STK32B: variants seen among roughly 807,000 people sequenced by gnomAD.
The protein encoded by STK32B is serine/threonine-protein kinase 32B.
STK32B carries 43 observed loss-of-function variants against 52.6 expected under a neutral mutation model. The ratio of observed to expected loss-of-function variants is 0.82; its 90% CI spans 0.64 to 1.05. The LOEUF (loss-of-function observed/expected upper bound fraction) is 1.05. STK32B is among the 50% of genes least tolerant of loss of function. The probability of loss-of-function intolerance (pLI) is 0.00; values close to 1 mark genes in which losing one functional copy is unlikely to be tolerated. For missense variants in STK32B, 621 were observed against 534.6 expected, an observed-to-expected ratio of 1.16 and a Z score of -1.59; for synonymous variants, 238 against 204.3, an observed-to-expected ratio of 1.17 and a Z score of -1.41.
At chr4:5,336,662 T>A (rs987183621) in intron 4 of STK32B, among the ~76,000 whole-genome samples, 1 of 152,184 alleles carries the variant, frequency 6.6e-6, no homozygotes, top group African/African-American at 2.4e-5. Context: ...AAAGTCTTTA[T>A]ACTTTTCTGT....
At chr4:5,279,402 C>G (rs1728047992) in intron 3 of STK32B, among the ~76,000 whole-genome samples, 1 of 152,114 alleles carries the variant, frequency 6.6e-6, no homozygotes, top group Non-Finnish European at 1.5e-5. Flanking sequence ...GATTCACATC[C>G]AGGCCACACT....
chr4:5,389,509 T>C (rs1030959965), intron 4 of STK32B, among the ~76,000 whole-genome samples: 1 of 152,142 alleles, frequency 6.6e-6, no homozygotes, highest in Non-Finnish European at 1.5e-5. Flanking sequence ...TGTCTCCCCA[T>C]GCATCCTACT....
intron 1 of STK32B, among the ~76,000 whole-genome samples, chr4:5,136,568 CGT>C (rs1577094169): frequency 6.6e-6 from 1 of 152,138 alleles, no homozygotes; most frequent in East Asian, 1.9e-4. Flanking sequence ...CAGAACTTCC[CGT>C]ACTAAAACCA....
intron 3 of STK32B, among the ~76,000 whole-genome samples, chr4:5,287,247 T>C (rs1385485552): frequency 6.6e-6 from 1 of 152,224 alleles, no homozygotes; most frequent in African/African-American, 2.4e-5. Context: ...GGCAACAGAA[T>C]TGATCTTCAT....
intron 3 of STK32B, among the ~76,000 whole-genome samples, chr4:5,274,818 G>A (rs965150127): frequency 6.6e-6 from 1 of 152,032 alleles, no homozygotes; most frequent in South Asian, 2.1e-4. Flanking sequence ...TGTTTGCCGC[G>A]GTTGCAGACC....
chr4:5,492,561 C>CT (rs1427811387), intron 11 of STK32B, among the ~76,000 whole-genome samples: 3 of 151,072 alleles, frequency 2.0e-5, no homozygotes, highest in Admixed American at 1.3e-4. Flanking sequence ...ATTGAATACC[C>CT]TTTATTTCCT....
At chr4:5,442,456 G>T (rs1186558984) in intron 6 of STK32B, among the ~76,000 whole-genome samples, 4 of 151,248 alleles carry the variant, frequency 2.6e-5, no homozygotes, top group African/African-American at 9.7e-5. Context: ...CCACTGGCTT[G>T]GTAGATCTTC....
intron 4 of STK32B, among the ~76,000 whole-genome samples, chr4:5,351,271 G>T (rs954527253): frequency 6.6e-6 from 1 of 151,896 alleles, no homozygotes; most frequent in African/African-American, 2.4e-5. Flanking sequence ...GTTTTCTCAG[G>T]CATCAATGGA....
At chr4:5,464,528 C>A (rs904074125) in intron 9 of STK32B, among the ~76,000 whole-genome samples, 2 of 152,192 alleles carry the variant, frequency 1.3e-5, no homozygotes, top group African/African-American at 2.4e-5. Context: ...CTGAGCCAGA[C>A]CCCAGAACAA....
At chr4:5,266,057 T>C (rs1727036773) in intron 3 of STK32B, among the ~76,000 whole-genome samples, 1 of 152,202 alleles carries the variant, frequency 6.6e-6, no homozygotes. Flanking sequence ...ATGAAAGGGA[T>C]AGTATACATT....
chr4:5,321,202 T>C (rs1577345334), intron 3 of STK32B, among the ~76,000 whole-genome samples: 1 of 152,004 alleles, frequency 6.6e-6, no homozygotes, highest in South Asian at 2.1e-4. Flanking sequence ...CACCAAAGTG[T>C]TGGAAGATTA....
chr4:5,032,596 T>C, the STK32B span, among the ~76,000 whole-genome samples: 2 of 151,978 alleles, frequency 1.3e-5, no homozygotes, highest in Non-Finnish European at 2.9e-5. Flanking sequence ...TCTAGAGCTA[T>C]ATTATTTTCC....
intron 6 of STK32B, among the ~76,000 whole-genome samples, chr4:5,438,373 G>C (rs1180059395): frequency 6.6e-6 from 1 of 152,222 alleles, no homozygotes; most frequent in African/African-American, 2.4e-5. Context: ...TAATGAACAA[G>C]TGTGATCACT....
chr4:5,285,528 G>A (rs1728492264), intron 3 of STK32B, among the ~76,000 whole-genome samples: 1 of 152,106 alleles, frequency 6.6e-6, no homozygotes, highest in African/African-American at 2.4e-5. Context: ...AGTACAAATT[G>A]ACTGCACAGC....
In STK32B at chr4:5,160,717, G is replaced by GT. The variant is rs369862793; in HGVS notation, c.109-7581dup. On this transcript the variant is annotated intron_variant, in intron 2 of 11. Coordinates refer to ENST00000282908, the MANE Select transcript of STK32B (RefSeq NM_018401.3). ...AGACACTGAGGATGATGCAGTGAAC[G>GT]TAAGAGAAAAATCCCTGTTGTCATG... Among the ~76,000 whole-genome samples the GT allele has an allele frequency of 2.7e-3, 407 of 152,336 alleles. 1 individual carries two copies. The highest frequency in any genetic ancestry group is 9.2e-3 in the African/African-American group (384 of 41,576).
chr4:5,219,657 C>A lies in STK32B; in HGVS notation c.260+51207C>A, dbSNP rs187522894. Among the ~76,000 whole-genome samples, 16 of 152,340 alleles carry A rather than the reference C, an allele frequency of 1.1e-4. No homozygotes were observed. In the East Asian group the frequency reaches 3.1e-3, roughly 29 times the overall value. On this transcript the variant is annotated intron_variant, in intron 3 of 11. Transcript: ENST00000282908. ...CCTTTCAGGCCCTATGACCTTGACC[C>A]ACAGTAAGAAGTCCCTGTTAGGGCT... is the stretch of plus-strand genomic sequence containing the variant.
chr4:5,456,468 T>G (rs1425191543), intron 7 of STK32B, among the ~76,000 whole-genome samples: 1 of 151,822 alleles, frequency 6.6e-6, no homozygotes, highest in Non-Finnish European at 1.5e-5. Flanking sequence ...ACGGCAAGAG[T>G]CAGCCCGCAA....
chr4:5,413,798 G>C (rs1258201102), intron 5 of STK32B, among the ~76,000 whole-genome samples: 1 of 152,186 alleles, frequency 6.6e-6, no homozygotes, highest in African/African-American at 2.4e-5. Flanking sequence ...CTCCTCTGCA[G>C]CGAGGTAACA....
intron 11 of STK32B, among the ~76,000 whole-genome samples, chr4:5,491,373 C>G (rs1321346221): frequency 6.6e-6 from 1 of 152,124 alleles, no homozygotes; most frequent in East Asian, 1.9e-4. Flanking sequence ...GCATAAATGT[C>G]TTCTTTTGAG....
Sources: allele counts gnomAD v4.1 joint callset (sites outside exome capture counted in the v4.1 genomes callset), GRCh38; gene constraint gnomAD v4.1.1; transcripts MANE v1.5; gene names NCBI Gene and HGNC (gene_info 2026-07-23, HGNC 2026-07-21).